Variants in LMBR1 observed in about 807,000 individuals in gnomAD.
LMBR1 encodes the protein limb development membrane protein 1.
LMBR1 carries 52 observed loss-of-function variants against 73.9 expected under a neutral mutation model. The observed-to-expected ratio is 0.70, with a 90% CI of 0.56 to 0.89. The LOEUF (loss-of-function observed/expected upper bound fraction) is 0.89, where lower values mean the gene tolerates loss of function less well. Among genes scored for constraint, LMBR1 ranks in the 40% least tolerant of loss-of-function variants. The pLI is 0.00. For synonymous variants in LMBR1, 215 were observed against 209.4 expected (o/e 1.03, Z -0.23); for missense variants, 539 against 579.8 (o/e 0.93, Z 0.72).
chr7:156,877,861 C>T (rs555271141), intron 1 of LMBR1, among the ~76,000 whole-genome samples: 15 of 142,932 alleles, frequency 1.0e-4, no homozygotes, highest in South Asian at 4.4e-4. Context: ...CCAGCCTGGG[C>T]GACAGAGCGA....
chr7:156,891,204 AAAAAAAAATATAT>A (rs1802855736), intron 1 of LMBR1, among the ~76,000 whole-genome samples: 1 of 98,166 alleles, frequency 1.0e-5, no homozygotes, highest in African/African-American at 4.5e-5. Context: ...AAAAAAAAAA[AAAAAAAAATATAT>A]ATATATATAT....
intron 2 of LMBR1, among the ~76,000 whole-genome samples, chr7:156,835,243 C>T (rs1056298833): frequency 6.6e-6 from 1 of 151,892 alleles, no homozygotes; most frequent in East Asian, 1.9e-4. Context: ...TTCTGAGCAC[C>T]CATCTGCTTC....
chr7:156,726,482 T>C (rs1422002569), intron 12 of LMBR1, among the ~76,000 whole-genome samples: 2 of 151,376 alleles, frequency 1.3e-5, no homozygotes, highest in Admixed American at 1.3e-4. Context: ...CACAAAAAAG[T>C]TACTATTTTT....
intron 1 of LMBR1, among the ~76,000 whole-genome samples, chr7:156,847,478 G>A (rs1471368750): frequency 6.6e-6 from 1 of 152,142 alleles, no homozygotes; most frequent in Non-Finnish European, 1.5e-5. Context: ...CTCTGCAACA[G>A]ACACTGTCAA....
intron 4 of LMBR1, among the ~76,000 whole-genome samples, chr7:156,819,751 G>T (rs1355933410): frequency 1.3e-5 from 2 of 152,156 alleles, no homozygotes; most frequent in Non-Finnish European, 2.9e-5. Flanking sequence ...TCAGAGTAGG[G>T]GCTTATGGAG....
downstream of LMBR1, among the ~76,000 whole-genome samples, chr7:156,675,000 C>A (rs144099939): frequency 5.7e-4 from 87 of 152,302 alleles, no homozygotes; most frequent in African/African-American, 2.0e-3. Flanking sequence ...CTCCTAAATT[C>A]TTCAGCTGGA....
intron 1 of LMBR1, among the ~76,000 whole-genome samples, chr7:156,863,457 C>A (rs1284192997): frequency 6.6e-6 from 1 of 152,096 alleles, no homozygotes; most frequent in Admixed American, 6.6e-5. Context: ...ATGTTAATCT[C>A]CTTTGGCAAC....
intron 9 of LMBR1, among the ~76,000 whole-genome samples, chr7:156,740,431 A>G (rs1818682982): frequency 6.6e-6 from 1 of 152,172 alleles, no homozygotes; most frequent in African/African-American, 2.4e-5. Context: ...TTTAACTCAA[A>G]GACAACTACC....
chr7:156,835,680 G>A (rs1296265269), intron 2 of LMBR1, among the ~76,000 whole-genome samples: 1 of 140,882 alleles, frequency 7.1e-6, no homozygotes, highest in African/African-American at 2.7e-5. Flanking sequence ...GGGCGACAGA[G>A]TGAGACTCCA....
At chr7:156,891,392 T>C (rs1802961514) in intron 1 of LMBR1, among the ~76,000 whole-genome samples, 1 of 150,782 alleles carries the variant, frequency 6.6e-6, no homozygotes, top group African/African-American at 2.4e-5. Flanking sequence ...CGAGAATGAA[T>C]TATAACCACA....
intron 1 of LMBR1, among the ~76,000 whole-genome samples, chr7:156,883,656 G>A (rs112370401): frequency 6.6e-6 from 1 of 152,072 alleles, no homozygotes; most frequent in Non-Finnish European, 1.5e-5. Flanking sequence ...CGTGAGCAAG[G>A]TTGCTTCCTT....
chr7:156,669,375 A>T lies in LMBR1; in HGVS notation n.867-88T>A, dbSNP rs1296042240. Reference sequence around the variant, plus strand: ...AAATGCAAAGAGAGGAAGGGGAGAGAGAGTGAAGTGAGGGGTGAGATGTTT... The same window carrying T: ...AAATGCAAAGAGAGGAAGGGGAGAGTGAGTGAAGTGAGGGGTGAGATGTTT... On this transcript the variant is annotated intron_variant and non_coding_transcript_variant, in intron 4 of 4. Coordinates refer to the LMBR1 transcript ENST00000430825. The surrounding 1 kb of genome is among the most constrained non-coding windows in gnomAD (Gnocchi z 4.2). 2 of 152,188 alleles carry T rather than the reference A, an allele frequency of 1.3e-5. No homozygotes were observed. The highest frequency in any genetic ancestry group is 2.9e-5 in the Non-Finnish European group (2 of 68,058). 9.4% of individuals were successfully genotyped at this position (152,188 alleles called of 1,614,324 possible). A position where few individuals can be genotyped will look rare whatever the true frequency, so the allele number is the denominator to read the frequency against.
intron 1 of LMBR1, among the ~76,000 whole-genome samples, chr7:156,855,502 CA>C (rs1796817916): frequency 6.6e-6 from 1 of 151,766 alleles, no homozygotes. Context: ...CCAAGAAGTA[CA>C]GAACAATTAC....
At position 156,870,655 on chromosome 7, in the gene LMBR1, C is replaced by G. The variant is rs992887550; in HGVS notation, c.66+22273G>C. On this transcript the variant is annotated intron_variant, in intron 1 of 16. Coordinates refer to ENST00000353442, the MANE Select transcript of LMBR1 (RefSeq NM_022458.4). ...CAGCAGGCGCCTGTAATCCCAGCTA[C>G]TCGGGAGGCTGAGGCAGGAGACTGG... 2.0e-5 allele frequency among the ~76,000 whole-genome samples: 3 copies of G among 151,876 alleles called. No individual in the cohort carries two copies. In the East Asian group the frequency reaches 5.8e-4, roughly 30 times the overall value.
At chr7:156,691,096 T>G (rs183413109) in intron 15 of LMBR1, among the ~76,000 whole-genome samples, 73 of 152,352 alleles carry the variant, frequency 4.8e-4, no homozygotes, top group African/African-American at 1.6e-3. Flanking sequence ...AAAATACTAC[T>G]ATTAGAAGTA....
intron 3 of LMBR1, 156 bp downstream of exon 3, chr7:156,833,597 A>C (rs1377594917): frequency 4.6e-6 from 2 of 438,828 alleles, no homozygotes; most frequent in East Asian, 1.1e-4. Flanking sequence ...ATCCACACAT[A>C]TTTGCTTACA....
chr7:156,783,994 TTC>T (rs1554516215), intron 5 of LMBR1, among the ~76,000 whole-genome samples: 26 of 142,866 alleles, frequency 1.8e-4, no homozygotes, highest in Non-Finnish European at 2.9e-4. Flanking sequence ...TTGGGTTTTT[TTC>T]TGTTTTTTTT....
chr7:156,761,870 G>T (rs756838065), intron 8 of LMBR1, among the ~76,000 whole-genome samples: 3 of 151,454 alleles, frequency 2.0e-5, no homozygotes, highest in South Asian at 2.1e-4. Context: ...CCAGCTACTC[G>T]GGAGGCTGAG....
intron 15 of LMBR1, among the ~76,000 whole-genome samples, chr7:156,720,919 A>AT (rs1814423198): frequency 6.6e-6 from 1 of 152,018 alleles, no homozygotes; most frequent in Non-Finnish European, 1.5e-5. Flanking sequence ...CAGGGTACAG[A>AT]TAAATAGGGA....
Sources: allele counts gnomAD v4.1 joint callset (sites outside exome capture counted in the v4.1 genomes callset), GRCh38; gene constraint gnomAD v4.1.1; non-coding constraint Gnocchi (gnomAD v3.1); transcripts MANE v1.5; gene names NCBI Gene and HGNC (gene_info 2026-07-23, HGNC 2026-07-21).